Variants in FRS2 observed in about 807,000 individuals in gnomAD.
The protein encoded by FRS2 is FGFR signalling adaptor.
Under a neutral mutation model 43.9 loss-of-function variants are expected in FRS2, and 8 were observed. That is an observed-to-expected ratio of 0.18 (90% CI 0.11 to 0.33). FRS2 has a LOEUF of 0.33. Ranked by LOEUF, FRS2 falls within the 10% of genes least tolerant of loss-of-function variation. The pLI, the probability that FRS2 is intolerant of heterozygous loss-of-function variation, is 1.00. For missense variants in FRS2, 534 were observed against 627.6 expected (o/e 0.85, Z 1.59); for synonymous variants, 219 against 220.3 (o/e 0.99, Z 0.05).
intron 4 of FRS2, among the ~76,000 whole-genome samples, chr12:69,566,727 A>G (rs1277513360): frequency 6.6e-6 from 1 of 152,250 alleles, no homozygotes; most frequent in African/African-American, 2.4e-5. Context: ...GATGGTGCAG[A>G]AAGATAAACA....
intron 1 of FRS2, among the ~76,000 whole-genome samples, chr12:69,482,836 G>A (rs1259342419): frequency 6.6e-6 from 1 of 152,116 alleles, no homozygotes; most frequent in Non-Finnish European, 1.5e-5. Flanking sequence ...TTAAATTGAA[G>A]CCTTTTATTA....
intron 1 of FRS2, among the ~76,000 whole-genome samples, chr12:69,528,334 C>T (rs1876461978): frequency 6.6e-6 from 1 of 152,150 alleles, no homozygotes; most frequent in African/African-American, 2.4e-5. Context: ...GTCTTGATAT[C>T]TAAAGGTAAC....
intron 4 of FRS2, among the ~76,000 whole-genome samples, chr12:69,568,547 C>T (rs1335577605): frequency 1.3e-5 from 2 of 151,842 alleles, no homozygotes; most frequent in African/African-American, 4.8e-5. Flanking sequence ...GTCTCTGTGT[C>T]TCTGGCTGTC....
intron 3 of FRS2, among the ~76,000 whole-genome samples, chr12:69,549,485 C>T (rs537458288): frequency 7.8e-4 from 119 of 152,044 alleles, no homozygotes; most frequent in Non-Finnish European, 1.6e-3. Context: ...GTTAATTTTG[C>T]GTATTTAATT....
intron 3 of FRS2, among the ~76,000 whole-genome samples, chr12:69,552,909 A>G (rs1201153835): frequency 1.3e-5 from 2 of 152,034 alleles, no homozygotes; most frequent in African/African-American, 2.4e-5. Context: ...AAAAAAGTAA[A>G]CTAAAAAGGA....
At chr12:69,539,065 T>C (rs761818643) in intron 3 of FRS2, among the ~76,000 whole-genome samples, 1 of 152,110 alleles carries the variant, frequency 6.6e-6, no homozygotes, top group Non-Finnish European at 1.5e-5. Flanking sequence ...GTGTTTTGGA[T>C]TTCAAGGTTT....
At chr12:69,510,949 T>C (rs1434426852) in intron 1 of FRS2, among the ~76,000 whole-genome samples, 1 of 152,232 alleles carries the variant, frequency 6.6e-6, no homozygotes, top group Non-Finnish European at 1.5e-5. Flanking sequence ...TCTGAAATTA[T>C]CTTCGTGGAC....
At chr12:69,487,842 G>A (rs1340958215) in intron 1 of FRS2, among the ~76,000 whole-genome samples, 9 of 152,166 alleles carry the variant, frequency 5.9e-5, no homozygotes. Context: ...TGGGAGTTTG[G>A]AAGAAGTTGA....
At chr12:69,573,418 C>T (rs1214603381) in intron 8 of FRS2, among the ~76,000 whole-genome samples, 2 of 151,970 alleles carry the variant, frequency 1.3e-5, no homozygotes, top group African/African-American at 4.8e-5. Flanking sequence ...TTATTTTTTA[C>T]ATAATATTTA....
intron 3 of FRS2, among the ~76,000 whole-genome samples, chr12:69,543,337 T>C (rs1422799579): frequency 6.6e-6 from 1 of 152,262 alleles, no homozygotes; most frequent in Admixed American, 6.5e-5. Context: ...TGAATACTTA[T>C]GTTGCTATTT....
At chr12:69,523,927 T>G (rs918503692) in intron 1 of FRS2, among the ~76,000 whole-genome samples, 1 of 152,222 alleles carries the variant, frequency 6.6e-6, no homozygotes, top group African/African-American at 2.4e-5. Context: ...CATAGGGTGA[T>G]AGCAGCAGGC....
intron 1 of FRS2, among the ~76,000 whole-genome samples, chr12:69,499,187 G>A (rs1730013531): frequency 6.6e-6 from 1 of 152,188 alleles, no homozygotes; most frequent in African/African-American, 2.4e-5. Context: ...GACTAGAAGT[G>A]TAACCTAGTG....
In FRS2 at chr12:69,527,314, A is replaced by AT. The variant is rs551700195; in HGVS notation, c.-260-3551_-260-3550insT. On this transcript the variant is annotated intron_variant, in intron 1 of 8. Coordinates refer to ENST00000549921, the MANE Select transcript of FRS2 (RefSeq NM_001278356.2). ...CATTTGTCCTCTTGTCTGAAGCAAG[A>AT]ATGGAGCAAAGTTTTTTTTTTTTTA... 5.9e-3 allele frequency among the ~76,000 whole-genome samples: 838 copies of AT among 141,654 alleles called. 2 individuals are homozygous for AT. The highest frequency in any genetic ancestry group is 9.5e-3 in the Non-Finnish European group (614 of 64,908). 92.9% of individuals were successfully genotyped at this position (141,654 alleles called of 152,430 possible).
chr12:69,474,890 G>A (rs1870627636), intron 1 of FRS2, among the ~76,000 whole-genome samples: 1 of 152,082 alleles, frequency 6.6e-6, no homozygotes, highest in Admixed American at 6.6e-5. Context: ...TGTTAATATT[G>A]CTTTTTATAG....
intron 1 of FRS2, among the ~76,000 whole-genome samples, chr12:69,477,018 A>G (rs1237829952): frequency 6.6e-6 from 1 of 152,114 alleles, no homozygotes; most frequent in Non-Finnish European, 1.5e-5. Context: ...TTATAGAGTT[A>G]TGTTGTGTAT....
At position 69,575,222 on chromosome 12, in the gene FRS2, T is replaced by C. The variant is rs551148586; in HGVS notation, c.*267T>C. 1.4e-4 allele frequency: 58 copies of C among 410,206 alleles called. 1 individual carries two copies. In the South Asian group the frequency reaches 2.5e-3, roughly 18 times the overall value. 25.4% of individuals were successfully genotyped at this position (410,206 alleles called of 1,614,324 possible). ...AAAATGAGAGTTGAAGTAAATGACA[T>C]GCTGGTTGATTTTTATCAATATTCT... On this transcript the variant is annotated 3_prime_UTR_variant, in exon 9 of 9. Coordinates refer to ENST00000549921, the MANE Select transcript of FRS2 (RefSeq NM_001278356.2).
intron 1 of FRS2, among the ~76,000 whole-genome samples, chr12:69,524,499 C>T (rs1592987847): frequency 6.6e-6 from 1 of 151,954 alleles, no homozygotes; most frequent in Non-Finnish European, 1.5e-5. Context: ...AGCTGTGATG[C>T]GGCCCCCAGG....
chr12:69,498,444 G>A (rs574340853), intron 1 of FRS2, among the ~76,000 whole-genome samples: 11 of 151,808 alleles, frequency 7.2e-5, no homozygotes, highest in South Asian at 2.1e-4. Context: ...TCCAACCTGC[G>A]GTTCATGCGG....
intron 1 of FRS2, among the ~76,000 whole-genome samples, chr12:69,490,649 A>G (rs1872398036): frequency 6.6e-6 from 1 of 152,162 alleles, no homozygotes; most frequent in Admixed American, 6.5e-5. Flanking sequence ...GTAGAGTGCT[A>G]ACAAAATTGT....
Sources: gnomAD v4.1 joint callset for allele counts (sites outside exome capture counted in the v4.1 genomes callset) on GRCh38, gnomAD v4.1.1 for gene constraint, MANE v1.5 for transcripts, NCBI Gene and HGNC (gene_info 2026-07-23, HGNC 2026-07-21) for gene names.